CACNA1C: variants seen among roughly 807,000 people sequenced by gnomAD.
The protein encoded by CACNA1C is voltage-dependent L-type calcium channel subunit alpha-1C.
In CACNA1C, 30 loss-of-function variants were observed where a neutral mutation model predicts 229.0. That is an observed-to-expected ratio of 0.13 (90% CI 0.10 to 0.18). The LOEUF (loss-of-function observed/expected upper bound fraction) is 0.18, where lower values mean the gene tolerates loss of function less well. Ranked by LOEUF, CACNA1C falls within the 10% of genes least tolerant of loss-of-function variation. The pLI is 1.00. For missense variants in CACNA1C, 1,658 were observed against 2,845.0 expected, an observed-to-expected ratio of 0.58 and a Z score of 9.49; for synonymous variants, 1,114 against 1,132.5, an observed-to-expected ratio of 0.98 and a Z score of 0.33.
chr12:2,157,712 AT>A (rs1301361224), intron 3 of CACNA1C, among the ~76,000 whole-genome samples: 2 of 152,232 alleles, frequency 1.3e-5, no homozygotes, highest in African/African-American at 4.8e-5. Flanking sequence ...TCTCTCTTAA[AT>A]AAGGTCCATC....
At chr12:2,431,215 A>G (rs1016714328) in intron 3 of CACNA1C, among the ~76,000 whole-genome samples, 3 of 152,084 alleles carry the variant, frequency 2.0e-5, no homozygotes, top group African/African-American at 7.2e-5. Context: ...GCAGGTCTGG[A>G]GTGGGGGCCA....
intron 1 of CACNA1C, among the ~76,000 whole-genome samples, chr12:1,998,612 C>T (rs2041487407): frequency 6.6e-6 from 1 of 152,134 alleles, no homozygotes; most frequent in Non-Finnish European, 1.5e-5. Flanking sequence ...AAGAAATCTG[C>T]CTGAGAAAAT....
intron 38 of CACNA1C, among the ~76,000 whole-genome samples, chr12:2,670,902 TAA>T (rs552962979): frequency 1.6e-4 from 21 of 133,100 alleles, no homozygotes; most frequent in Admixed American, 2.3e-4. Context: ...GCTACTAAAT[TAA>T]AAAAAAAAAA....
chr12:2,035,147 G>GC (rs2048894274), intron 1 of CACNA1C, among the ~76,000 whole-genome samples: 2 of 152,170 alleles, frequency 1.3e-5, no homozygotes, highest in African/African-American at 4.8e-5. Flanking sequence ...CGGCGCGTGT[G>GC]CCCGGGCCCT....
At chr12:2,338,830 C>T (rs1387846563) in intron 3 of CACNA1C, among the ~76,000 whole-genome samples, 3 of 152,100 alleles carry the variant, frequency 2.0e-5, no homozygotes. Flanking sequence ...TTCTTTCCTT[C>T]TTGTCCCTTT....
intron 9 of CACNA1C, among the ~76,000 whole-genome samples, chr12:2,527,412 C>G (rs1204462041): frequency 6.6e-6 from 1 of 152,174 alleles, no homozygotes; most frequent in African/African-American, 2.4e-5. Context: ...GCTTGACAGG[C>G]TAGCTTTAAA....
At chr12:2,629,963 A>G (rs2089537996) in intron 29 of CACNA1C, among the ~76,000 whole-genome samples, 1 of 152,182 alleles carries the variant, frequency 6.6e-6, no homozygotes, top group Admixed American at 6.5e-5. Context: ...CATCTTATGA[A>G]CACATCTCCA....
chr12:2,462,467 A>T (rs1466039966), intron 5 of CACNA1C, among the ~76,000 whole-genome samples: 1 of 152,072 alleles, frequency 6.6e-6, no homozygotes, highest in Admixed American at 6.5e-5. Context: ...GCCATTCTGT[A>T]TGTGTATGTG....
intron 5 of CACNA1C, among the ~76,000 whole-genome samples, chr12:2,482,326 G>C (rs946201610): frequency 6.6e-6 from 1 of 152,230 alleles, no homozygotes; most frequent in Non-Finnish European, 1.5e-5. Context: ...CGTGGAGGCT[G>C]AGAGCTGCTG....
At chr12:2,688,938 T>G (rs2097665823) in intron 46 of CACNA1C, among the ~76,000 whole-genome samples, 159 bp downstream of exon 46, 1 of 152,180 alleles carries the variant, frequency 6.6e-6, no homozygotes, top group Non-Finnish European at 1.5e-5. Context: ...AGGGCTCGTG[T>G]GCGGAAAGCC....
intron 3 of CACNA1C, among the ~76,000 whole-genome samples, chr12:2,203,946 C>T (rs2097677934): frequency 6.6e-6 from 1 of 152,136 alleles, no homozygotes; most frequent in African/African-American, 2.4e-5. Flanking sequence ...TCATGGGGGA[C>T]CAGGAGGCTC....
chr12:2,452,028 A>G (rs995963590), intron 4 of CACNA1C, among the ~76,000 whole-genome samples: 6 of 152,118 alleles, frequency 3.9e-5, no homozygotes, highest in African/African-American at 1.4e-4. Context: ...GCAATATTAA[A>G]TGGGTAGCCC....
At chr12:1,985,141 T>A (rs1055035192) in intron 1 of CACNA1C, among the ~76,000 whole-genome samples, 1 of 152,174 alleles carries the variant, frequency 6.6e-6, no homozygotes, top group Non-Finnish European at 1.5e-5. Flanking sequence ...CTGAGTTCCT[T>A]GAATCTATAC....
At position 2,611,904 on chromosome 12, in the gene CACNA1C, A is replaced by G; in HGVS notation, c.3719A>G (p.His1240Arg). ...LLNTICLAMQ[H>R]YGQSCLFKIA... ...AGCTCCTCCCCTCTCCTGATGCAGC[A>G]CTACGGCCAGAGCTGCCTGTTCAAA... Residue 1240 changes from histidine (H) to arginine (R), a missense_variant and splice_region_variant, in exon 29 of 47, where the codon CAC becomes CGC. His to Arg is a conservative substitution (Grantham distance 29). Around this residue, in one of 20 missense-constraint regions of CACNA1C, gnomAD observed 67 missense variants for 106.4 expected, o/e 0.63. Transcript: ENST00000399655. The G allele has an allele frequency of 6.2e-7, 1 of 1,600,170 alleles. No homozygotes were observed. The highest frequency in any genetic ancestry group is 8.6e-7 in the Non-Finnish European group (1 of 1,167,462).
At chr12:2,426,665 A>C (rs973965315) in intron 3 of CACNA1C, among the ~76,000 whole-genome samples, 1 of 152,258 alleles carries the variant, frequency 6.6e-6, no homozygotes, top group African/African-American at 2.4e-5. Context: ...GGATTGGCTC[A>C]GTTGAGCAGT....
intron 18 of CACNA1C, among the ~76,000 whole-genome samples, chr12:2,592,301 A>G (rs1487809207): frequency 3.9e-5 from 6 of 152,248 alleles, no homozygotes; most frequent in African/African-American, 1.4e-4. Flanking sequence ...GCTATGTGCC[A>G]GGCACCGTTC....
At chr12:2,296,329 C>T (rs894690227) in intron 3 of CACNA1C, among the ~76,000 whole-genome samples, 10 of 152,312 alleles carry the variant, frequency 6.6e-5, no homozygotes, top group African/African-American at 2.4e-4. Context: ...GCTGGAGCAT[C>T]TCTGTAACAG....
intron 1 of CACNA1C, chr12:2,018,080 CAG>C (rs1267159016): frequency 6.6e-6 from 1 of 152,182 alleles, no homozygotes; most frequent in Non-Finnish European, 1.5e-5. Context: ...AAACAATTAA[CAG>C]AACAATAAAT....
At chr12:2,519,618 C>T (rs1163035401) in intron 9 of CACNA1C, among the ~76,000 whole-genome samples, 2 of 152,214 alleles carry the variant, frequency 1.3e-5, no homozygotes, top group Admixed American at 6.5e-5. Context: ...CGTGGGAAAG[C>T]ATTGGGAGTT....
Sources: gnomAD v4.1 joint callset for allele counts (sites outside exome capture counted in the v4.1 genomes callset) on GRCh38, gnomAD v4.1.1 for gene constraint, gnomAD v4.1.1 regional missense constraint, MANE v1.5 for transcripts, NCBI Gene and HGNC (gene_info 2026-07-23, HGNC 2026-07-21) for gene names.